The following JAKMIP3 variants were observed in gnomAD, a reference collection of about 807,000 sequenced individuals.
The protein encoded by JAKMIP3 is janus kinase and microtubule-interacting protein 3.
In JAKMIP3, 58 loss-of-function variants were observed where a neutral mutation model predicts 118.5. The ratio of observed to expected loss-of-function variants is 0.49; its 90% confidence interval spans 0.40 to 0.61. The LOEUF (loss-of-function observed/expected upper bound fraction) is 0.61. JAKMIP3 is among the 20% of genes least tolerant of loss of function. The pLI, the probability that JAKMIP3 is intolerant of heterozygous loss-of-function variation, is 0.00. For missense variants in JAKMIP3, 950 were observed against 1,109.0 expected (o/e 0.86, Z 2.04); for synonymous variants, 486 against 451.2 (o/e 1.08, Z -0.98).
chr10:132,159,849 G>GCGT (rs1378836483), intron 19 of JAKMIP3, among the ~76,000 whole-genome samples: 1 of 59,498 alleles, frequency 1.7e-5, no homozygotes, highest in African/African-American at 8.9e-5. Flanking sequence ...GATGCTGGGG[G>GCGT]GCCTCTCCCT....
intron 2 of JAKMIP3, among the ~76,000 whole-genome samples, chr10:132,109,755 C>T (rs951387886): frequency 2.0e-5 from 3 of 152,198 alleles, no homozygotes; most frequent in Non-Finnish European, 4.4e-5. Flanking sequence ...TCTGTGTGGT[C>T]AGAAACAGGA....
intron 23 of JAKMIP3, among the ~76,000 whole-genome samples, chr10:132,181,890 G>T (rs574331318): frequency 3.3e-5 from 5 of 152,162 alleles, no homozygotes; most frequent in African/African-American, 1.2e-4. Flanking sequence ...ACCCGATGCT[G>T]CCATGCCCCA....
chr10:132,075,369 ATT>A (rs35437245), intron 1 of JAKMIP3, among the ~76,000 whole-genome samples: 255 of 128,896 alleles, frequency 2.0e-3, no homozygotes, highest in African/African-American at 5.8e-3. Context: ...AAATTTTTCC[ATT>A]TTTTTTTTTT....
chr10:132,150,728 C>T (rs200012347), intron 16 of JAKMIP3, among the ~76,000 whole-genome samples: 28 of 149,778 alleles, frequency 1.9e-4, no homozygotes, highest in African/African-American at 4.0e-4. Context: ...CATAATCCAT[C>T]TATCCGTCCT....
intron 2 of JAKMIP3, among the ~76,000 whole-genome samples, chr10:132,115,267 G>A (rs571097797): frequency 3.9e-4 from 59 of 150,726 alleles, no homozygotes; most frequent in Admixed American, 2.6e-3. Context: ...GTGGGTCACC[G>A]CGATCGCGGC....
chr10:132,040,498 T>C (rs1421708255), intron 1 of JAKMIP3, among the ~76,000 whole-genome samples: 1 of 152,224 alleles, frequency 6.6e-6, no homozygotes, highest in Non-Finnish European at 1.5e-5. Context: ...GATCATGCTA[T>C]AATCATTTTA....
chr10:132,059,321 C>T (rs1333488266), intron 1 of JAKMIP3, among the ~76,000 whole-genome samples: 3 of 152,238 alleles, frequency 2.0e-5, no homozygotes, highest in South Asian at 2.1e-4. Flanking sequence ...AGACACTGTG[C>T]GCTGGCCACA....
At chr10:132,083,087 A>G (rs2041986210) in intron 1 of JAKMIP3, among the ~76,000 whole-genome samples, 1 of 152,188 alleles carries the variant, frequency 6.6e-6, no homozygotes, top group African/African-American at 2.4e-5. Context: ...TGGTAGATCT[A>G]GTTCTTTAAG....
At chr10:132,074,056 T>G (rs1449959775) in intron 1 of JAKMIP3, among the ~76,000 whole-genome samples, 1 of 152,184 alleles carries the variant, frequency 6.6e-6, no homozygotes, top group Non-Finnish European at 1.5e-5. Flanking sequence ...ACTTTTGTTT[T>G]GTTTTGTTTT....
chr10:132,076,121 G>T (rs971268242), intron 1 of JAKMIP3, among the ~76,000 whole-genome samples: 6 of 151,984 alleles, frequency 3.9e-5, no homozygotes, highest in African/African-American at 1.5e-4. Context: ...CATTTCCATC[G>T]CCCCCAGAAG....
Position 132,168,852 on chromosome 10 carries a change from T to C in JAKMIP3, c.*922T>C. 1 of 208,702 alleles carries C rather than the reference T, an allele frequency of 4.8e-6. No homozygotes were observed. Among genetic ancestry groups the C allele is most frequent in the Non-Finnish European group, 9.7e-6 (1 of 103,068 alleles). The allele number at this position is 208,702 out of a possible 1,614,324, so 12.9% of individuals were successfully genotyped here. The stretch of plus-strand genomic sequence containing the variant: ...CAGAGCCACCCAGCCTGGAAGCCCC[T>C]GCACGGGCCAGCCCTGCAGGCCATG... On this transcript the variant is annotated 3_prime_UTR_variant, in exon 23 of 24. Coordinates refer to ENST00000684848, the MANE Select transcript of JAKMIP3 (RefSeq NM_001323087.2).
intron 1 of JAKMIP3, among the ~76,000 whole-genome samples, chr10:132,074,444 C>T (rs1458968175): frequency 6.6e-6 from 1 of 152,164 alleles, no homozygotes; most frequent in African/African-American, 2.4e-5. Context: ...TGATTACTGA[C>T]ATTGAACATT....
chr10:132,110,809 G>A (rs1459033996), intron 2 of JAKMIP3, among the ~76,000 whole-genome samples: 1 of 152,258 alleles, frequency 6.6e-6, no homozygotes, highest in Non-Finnish European at 1.5e-5. Flanking sequence ...GGCTCACAGG[G>A]AGGGCTCTCG....
At chr10:132,159,645 G>GGA (rs1564981759) in intron 19 of JAKMIP3, among the ~76,000 whole-genome samples, 1 of 66,206 alleles carries the variant, frequency 1.5e-5, no homozygotes, top group Non-Finnish European at 3.3e-5. Flanking sequence ...GATGCTGGGG[G>GGA]GCCTCTCCCT....
At chr10:132,125,582 C>T (rs1253270559) in intron 3 of JAKMIP3, among the ~76,000 whole-genome samples, 4 of 152,258 alleles carry the variant, frequency 2.6e-5, no homozygotes, top group Admixed American at 2.6e-4. Context: ...TTGTCAGTTT[C>T]CACAGAAAAA....
chr10:132,059,406 C>T (rs980961722), intron 1 of JAKMIP3, among the ~76,000 whole-genome samples: 3 of 152,246 alleles, frequency 2.0e-5, no homozygotes, highest in Admixed American at 2.0e-4. Context: ...AAGAGATTGA[C>T]TTGTTCAAGT....
At position 132,115,793 on chromosome 10, in the gene JAKMIP3, C is replaced by G. The variant is rs1022735101; in HGVS notation, c.136-1284C>G. 4.6e-5 allele frequency among the ~76,000 whole-genome samples: 7 copies of G among 152,312 alleles called. No homozygotes were observed. The East Asian group carries it at 5.8e-4, about 13-fold the overall frequency. On this transcript the variant is annotated intron_variant, in intron 2 of 23. Transcript: ENST00000684848. ...AACTCGTGAAAAAAAAATGAAAGGA[C>G]CTTTGTCCATTTCATTTAAGATTCT...
chr10:132,104,252 C>G (rs751539197), intron 1 of JAKMIP3, among the ~76,000 whole-genome samples: 14 of 152,136 alleles, frequency 9.2e-5, no homozygotes, highest in African/African-American at 3.1e-4. Context: ...GCTTGTGGGT[C>G]TCTGTGGAGG....
At chr10:132,081,741 G>A (rs749911079) in intron 1 of JAKMIP3, among the ~76,000 whole-genome samples, 1 of 151,980 alleles carries the variant, frequency 6.6e-6, no homozygotes, top group Non-Finnish European at 1.5e-5. Context: ...TGGTTCTGCT[G>A]AGCCAACTGG....
Sources: allele counts gnomAD v4.1 joint callset (sites outside exome capture counted in the v4.1 genomes callset), GRCh38; gene constraint gnomAD v4.1.1; transcripts MANE v1.5; gene names NCBI Gene and HGNC (gene_info 2026-07-23, HGNC 2026-07-21).